Variants in SIPA1L2 observed in about 807,000 individuals in gnomAD.
SIPA1L2 encodes the protein signal induced proliferation associated 1 like 2.
Under a neutral mutation model 163.9 loss-of-function variants are expected in SIPA1L2, and 56 were observed. The observed-to-expected ratio is 0.34, with a 90% CI of 0.28 to 0.43. SIPA1L2 has a LOEUF of 0.43. Among genes scored for constraint, SIPA1L2 ranks in the 20% least tolerant of loss-of-function variants. The probability of loss-of-function intolerance (pLI) is 1.00; values close to 1 mark genes in which losing one functional copy is unlikely to be tolerated. For synonymous variants in SIPA1L2, 877 were observed against 865.7 expected (o/e 1.01, Z -0.23); for missense variants, 1,974 against 2,193.5 (o/e 0.90, Z 2.00).
chr1:232,564,896 T>C lies in SIPA1L2; in HGVS notation c.-270+9278A>G, dbSNP rs141703522. Among the ~76,000 whole-genome samples the C allele has an allele frequency of 5.2e-4, 79 of 152,142 alleles. 2 individuals are homozygous for C. The East Asian group carries it at 0.014, about 28-fold the overall frequency. On this transcript the variant is annotated intron_variant, in intron 2 of 22. Coordinates refer to ENST00000674635, the MANE Select transcript of SIPA1L2 (RefSeq NM_020808.5). Reference sequence around the variant, plus strand: ...GGGGAATGACACACACTGAGGCCTGTCTCAGGGTGGGGGATGAGAGGAGGG... The same window carrying C: ...GGGGAATGACACACACTGAGGCCTGCCTCAGGGTGGGGGATGAGAGGAGGG...
intron 5 of SIPA1L2, 86 bp from the exon 6 acceptor site, chr1:232,484,052 A>C: frequency 7.6e-7 from 1 of 1,314,840 alleles, no homozygotes; most frequent in Non-Finnish European, 1.0e-6. Context: ...GAAGCTGAGA[A>C]TTGTTCTAGG....
chr1:232,607,212 T>C (rs1160958849), intron 1 of SIPA1L2, among the ~76,000 whole-genome samples: 2 of 152,074 alleles, frequency 1.3e-5, no homozygotes, highest in African/African-American at 4.8e-5. Context: ...GTAATAACCA[T>C]TGTAAATTTT....
chr1:232,477,633 A>C lies in SIPA1L2; in HGVS notation c.2085+1994T>G, dbSNP rs148509220. Among the ~76,000 whole-genome samples, 171 of 152,246 alleles carry C rather than the reference A, an allele frequency of 1.1e-3. 1 individual carries two copies. Among genetic ancestry groups the C allele is most frequent in the African/African-American group, 3.6e-3 (151 of 41,534 alleles). On this transcript the variant is annotated intron_variant, in intron 7 of 22. Transcript: ENST00000674635. ...ACACACACATCCTCCTCTATCCCCC[A>C]GTTGCATCTACATTTTCACTGCTTT... is the stretch of plus-strand genomic sequence containing the variant.
At chr1:232,489,621 C>A (rs185201552) in intron 5 of SIPA1L2, among the ~76,000 whole-genome samples, 1 of 152,166 alleles carries the variant, frequency 6.6e-6, no homozygotes, top group African/African-American at 2.4e-5. Flanking sequence ...CAATTAGTTT[C>A]ATCACTTTTA....
chr1:232,405,612 G>T (rs1314085958), intron 19 of SIPA1L2, among the ~76,000 whole-genome samples: 1 of 152,166 alleles, frequency 6.6e-6, no homozygotes, highest in Non-Finnish European at 1.5e-5. Flanking sequence ...TCTGTAAAGA[G>T]CCCAGAATAT....
chr1:232,449,617 A>G (rs1320348720), intron 10 of SIPA1L2, among the ~76,000 whole-genome samples: 3 of 147,554 alleles, frequency 2.0e-5, no homozygotes, highest in Admixed American at 1.4e-4. Flanking sequence ...GGAAAAAAAA[A>G]GGGGGAGAAA....
chr1:232,419,875 C>A (rs953846214), intron 18 of SIPA1L2, among the ~76,000 whole-genome samples: 1 of 152,178 alleles, frequency 6.6e-6, no homozygotes, highest in Non-Finnish European at 1.5e-5. Flanking sequence ...TGATGTTTAC[C>A]GAGCATCTTC....
chr1:232,459,564 G>A (rs1205030741), intron 10 of SIPA1L2, among the ~76,000 whole-genome samples: 4 of 151,992 alleles, frequency 2.6e-5, no homozygotes, highest in African/African-American at 4.8e-5. Context: ...CCATGCTGGC[G>A]TACAGAGGCA....
At position 232,550,167 on chromosome 1, in the gene SIPA1L2, G is replaced by C. The variant is rs1245811469; in HGVS notation, c.-270+24007C>G. ...TGCTACTTCATTAGTTTACCAAATG[G>C]CATCTTGCTATATTCAAAGGAGAGT... On this transcript the variant is annotated intron_variant, in intron 2 of 22. Coordinates refer to ENST00000674635, the MANE Select transcript of SIPA1L2 (RefSeq NM_020808.5). Among the ~76,000 whole-genome samples the C allele has an allele frequency of 2.6e-5, 4 of 152,116 alleles. No homozygotes were observed. In the East Asian group the frequency reaches 7.7e-4, roughly 29 times the overall value.
intron 10 of SIPA1L2, among the ~76,000 whole-genome samples, chr1:232,459,650 C>T (rs1395556213): frequency 6.6e-6 from 1 of 151,944 alleles, no homozygotes; most frequent in African/African-American, 2.4e-5. Flanking sequence ...GTAGCTGGGA[C>T]TACAGGTGCA....
At chr1:232,432,120 T>C (rs1662278701) in intron 16 of SIPA1L2, 127 bp downstream of exon 16, 2 of 774,160 alleles carry the variant, frequency 2.6e-6, no homozygotes, top group African/African-American at 3.5e-5. Flanking sequence ...ATTTAAAGAG[T>C]TTAAGAAAGA....
intron 1 of SIPA1L2, among the ~76,000 whole-genome samples, chr1:232,599,238 CG>C (rs1389018073): frequency 6.6e-6 from 1 of 152,142 alleles, no homozygotes; most frequent in African/African-American, 2.4e-5. Flanking sequence ...TCTGATCATC[CG>C]GAACACCGCA....
chr1:232,406,079 T>C (rs1413983234), intron 19 of SIPA1L2, among the ~76,000 whole-genome samples: 2 of 152,218 alleles, frequency 1.3e-5, no homozygotes, highest in Non-Finnish European at 2.9e-5. Context: ...GAGGATGCTA[T>C]TTGATTAAGT....
intron 1 of SIPA1L2, among the ~76,000 whole-genome samples, chr1:232,597,515 A>G (rs1661329005): frequency 6.8e-6 from 1 of 147,960 alleles, no homozygotes; most frequent in South Asian, 2.2e-4. Context: ...GTCTCTACTA[A>G]AAAATACCAA....
intron 22 of SIPA1L2, 36 bp downstream of exon 22, chr1:232,402,356 A>G (rs1211201995): frequency 6.3e-7 from 1 of 1,587,938 alleles, no homozygotes; most frequent in East Asian, 2.2e-5. Context: ...ATTTTATAAG[A>G]GAAACAGTTC....
At chr1:232,428,006 T>C (rs1662002078) in intron 17 of SIPA1L2, among the ~76,000 whole-genome samples, 1 of 152,256 alleles carries the variant, frequency 6.6e-6, no homozygotes, top group Non-Finnish European at 1.5e-5. Context: ...GTCCAGGAGC[T>C]GTACTAGGCT....
rs913310487 is a variant in SIPA1L2 at position 232,602,072 on chromosome 1, A to T, written c.-319+27797T>A. Among the ~76,000 whole-genome samples, 3 of 152,302 alleles carry T rather than the reference A, an allele frequency of 2.0e-5. No individual in the cohort carries two copies. In the East Asian group the frequency reaches 5.8e-4, roughly 29 times the overall value. ...GAAGGTGGCCTAGTAAACAAATGCT[A>T]CAAGGCAAGGAGGGGAAGTCACTAC... On this transcript the variant is annotated intron_variant, in intron 1 of 22. Coordinates refer to ENST00000674635, the MANE Select transcript of SIPA1L2 (RefSeq NM_020808.5).
At chr1:232,461,979 C>G (rs1217724126) in intron 9 of SIPA1L2, among the ~76,000 whole-genome samples, 2 of 152,122 alleles carry the variant, frequency 1.3e-5, no homozygotes, top group Non-Finnish European at 2.9e-5. Flanking sequence ...GCAGACAGAC[C>G]CTCTGTGCTT....
chr1:232,472,003 A>G (rs1011292243), intron 7 of SIPA1L2, among the ~76,000 whole-genome samples: 1 of 152,234 alleles, frequency 6.6e-6, no homozygotes, highest in Admixed American at 6.5e-5. Context: ...GAACACTGTC[A>G]TTCTGGTGAG....
Sources: gnomAD v4.1 joint callset for allele counts (sites outside exome capture counted in the v4.1 genomes callset) on GRCh38, gnomAD v4.1.1 for gene constraint, MANE v1.5 for transcripts, NCBI Gene and HGNC (gene_info 2026-07-23, HGNC 2026-07-21) for gene names.